The following FAM107B variants were observed in gnomAD, a reference collection of about 807,000 sequenced individuals.
The protein encoded by FAM107B is protein FAM107B.
A neutral mutation model predicts 31.5 loss-of-function variants in FAM107B; 21 were observed. The ratio of observed to expected loss-of-function variants is 0.67; its 90% confidence interval spans 0.47 to 0.96. The LOEUF (loss-of-function observed/expected upper bound fraction) is 0.96, where lower values mean the gene tolerates loss of function less well. Ranked by LOEUF, FAM107B falls within the 40% of genes least tolerant of loss-of-function variation. The pLI is 0.00. For missense variants in FAM107B, 452 were observed against 377.1 expected, an observed-to-expected ratio of 1.20 and a Z score of -1.64; for synonymous variants, 157 against 141.5, an observed-to-expected ratio of 1.11 and a Z score of -0.78.
At chr10:14,573,423 G>A (rs1323257179) in intron 2 of FAM107B, among the ~76,000 whole-genome samples, 2 of 151,974 alleles carry the variant, frequency 1.3e-5, no homozygotes, top group Non-Finnish European at 2.9e-5. Flanking sequence ...CCAGTCTCCA[G>A]AACTATAAGA....
intron 1 of FAM107B, among the ~76,000 whole-genome samples, chr10:14,688,748 C>G (rs964479598): frequency 6.6e-6 from 1 of 152,154 alleles, no homozygotes; most frequent in Non-Finnish European, 1.5e-5. Context: ...TTCCAGACAT[C>G]ATTCCACAGT....
intron 1 of FAM107B, among the ~76,000 whole-genome samples, chr10:14,740,129 A>G (rs978692685): frequency 1.1e-4 from 16 of 152,218 alleles, no homozygotes; most frequent in South Asian, 6.2e-4. Context: ...ATTTACCCAA[A>G]TGAATTCACA....
intron 2 of FAM107B, among the ~76,000 whole-genome samples, chr10:14,644,752 G>A (rs533690829): frequency 6.6e-6 from 1 of 152,322 alleles, no homozygotes; most frequent in African/African-American, 2.4e-5. Context: ...ACAAATGCAA[G>A]TATTGGTATG....
In FAM107B at chr10:14,590,921, G is replaced by A. The variant is rs112453040; in HGVS notation, c.470-60406C>T. On this transcript the variant is annotated intron_variant, in intron 2 of 4. Coordinates refer to ENST00000181796, the MANE Select transcript of FAM107B (RefSeq NM_031453.4). ...GGAGAATCACATGAATCCAGGAGGC[G>A]GAGGTTGCAGTGAGCCGAGATCGTT... 5.1e-3 allele frequency among the ~76,000 whole-genome samples: 763 copies of A among 149,168 alleles called. 11 individuals are homozygous for A. Among genetic ancestry groups the A allele is most frequent in the African/African-American group, 0.017 (699 of 40,492 alleles).
intron 1 of FAM107B, among the ~76,000 whole-genome samples, chr10:14,670,744 C>A (rs888643437): frequency 1.3e-5 from 2 of 152,192 alleles, no homozygotes; most frequent in African/African-American, 2.4e-5. Context: ...GTAAGAGTTG[C>A]AAAGTCCCGC....
At chr10:14,619,733 CT>C (rs1852954528) in intron 2 of FAM107B, among the ~76,000 whole-genome samples, 1 of 95,464 alleles carries the variant, frequency 1.0e-5, no homozygotes, top group East Asian at 4.4e-4. Context: ...AAAAAAAAAC[CT>C]TTGCCCAAGC....
intron 1 of FAM107B, among the ~76,000 whole-genome samples, chr10:14,770,975 TAAAAAAAAA>T (rs56378196): frequency 0.051 from 3,012 of 59,140 alleles, 92 homozygotes; most frequent in East Asian, 0.29. Context: ...GAGGCTGAAC[TAAAAAAAAA>T]AAAAAAAAAA....
chr10:14,740,147 C>T (rs1474032427), intron 1 of FAM107B, among the ~76,000 whole-genome samples: 1 of 152,184 alleles, frequency 6.6e-6, no homozygotes, highest in Non-Finnish European at 1.5e-5. Context: ...ACACAAAAAC[C>T]TACACGTGAA....
At chr10:14,641,543 G>T (rs1037604287) in intron 2 of FAM107B, among the ~76,000 whole-genome samples, 9 of 152,146 alleles carry the variant, frequency 5.9e-5, no homozygotes, top group African/African-American at 2.2e-4. Context: ...GTTGGGTTAT[G>T]GTGAGGACTC....
chr10:14,522,817 G>A (rs1845807363), intron 3 of FAM107B, among the ~76,000 whole-genome samples: 1 of 152,110 alleles, frequency 6.6e-6, no homozygotes, highest in African/African-American at 2.4e-5. Flanking sequence ...CTGAAAGGGG[G>A]TTCCTGTACA....
chr10:14,661,417 A>G (rs907095732), intron 2 of FAM107B: 1 of 152,242 alleles, frequency 6.6e-6, no homozygotes, highest in East Asian at 1.9e-4. Flanking sequence ...CCATTACCCA[A>G]TCTGTGGAGG....
intron 1 of FAM107B, among the ~76,000 whole-genome samples, chr10:14,718,198 G>T (rs1473036709): frequency 6.6e-6 from 1 of 152,078 alleles, no homozygotes; most frequent in Admixed American, 6.6e-5. Flanking sequence ...GTGGTGGCAC[G>T]CACCTGTAGT....
intron 1 of FAM107B, among the ~76,000 whole-genome samples, chr10:14,705,603 G>C (rs1034648051): frequency 6.6e-6 from 1 of 152,022 alleles, no homozygotes; most frequent in Non-Finnish European, 1.5e-5. Context: ...AAAGAAATAA[G>C]CTAGCCACAG....
At chr10:14,537,617 A>G (rs990246810) in intron 2 of FAM107B, among the ~76,000 whole-genome samples, 1 of 152,116 alleles carries the variant, frequency 6.6e-6, no homozygotes, top group Non-Finnish European at 1.5e-5. Context: ...AGGCGGGCGG[A>G]TCATGAGGTC....
chr10:14,584,268 A>C (rs1443782691), intron 2 of FAM107B, among the ~76,000 whole-genome samples: 1 of 152,204 alleles, frequency 6.6e-6, no homozygotes, highest in Non-Finnish European at 1.5e-5. Context: ...AGAGACACAA[A>C]GATGAGGATG....
At chr10:14,669,687 T>C (rs1337737822) in intron 1 of FAM107B, among the ~76,000 whole-genome samples, 1 of 152,226 alleles carries the variant, frequency 6.6e-6, no homozygotes, top group Non-Finnish European at 1.5e-5. Context: ...ATGTTCTTAT[T>C]CTTGTTGCAT....
chr10:14,537,232 G>C (rs1353929904), intron 2 of FAM107B, among the ~76,000 whole-genome samples: 1 of 152,212 alleles, frequency 6.6e-6, no homozygotes, highest in East Asian at 1.9e-4. Flanking sequence ...CACCCCAAAA[G>C]CAGCTGGCCA....
chr10:14,759,634 A>T (rs1222650008), intron 1 of FAM107B, among the ~76,000 whole-genome samples: 2 of 152,212 alleles, frequency 1.3e-5, no homozygotes, highest in African/African-American at 4.8e-5. Flanking sequence ...AGGGCATTTA[A>T]TGAATGTTTA....
At position 14,755,192 on chromosome 10, in the gene FAM107B, G is replaced by A. The variant is rs1173802406; in HGVS notation, c.411+19061C>T. On this transcript the variant is annotated intron_variant, in intron 1 of 4. Coordinates refer to ENST00000181796, the MANE Select transcript of FAM107B (RefSeq NM_031453.4). ...ATTTAACACCAACCATGGTCTAAAT[G>A]AAACTTAAAATAATTCAAGGGTCCT... Among the ~76,000 whole-genome samples the A allele has an allele frequency of 2.0e-5, 3 of 152,160 alleles. No individual in the cohort carries two copies. The East Asian group carries it at 5.8e-4, about 29-fold the overall frequency.
Sources: gnomAD v4.1 joint callset for allele counts (sites outside exome capture counted in the v4.1 genomes callset) on GRCh38, gnomAD v4.1.1 for gene constraint, MANE v1.5 for transcripts, NCBI Gene and HGNC (gene_info 2026-07-23, HGNC 2026-07-21) for gene names.